Variants in MGAT4C observed in about 807,000 individuals in gnomAD.
MGAT4C encodes the protein alpha-1,3-mannosyl-glycoprotein 4-beta-N-acetylglucosaminyltransferase C.
In MGAT4C, 19 loss-of-function variants were observed where a neutral mutation model predicts 40.1. That is an observed-to-expected ratio of 0.47 (90% CI 0.33 to 0.70). The LOEUF (loss-of-function observed/expected upper bound fraction) is 0.70. Ranked by LOEUF, MGAT4C falls within the 30% of genes least tolerant of loss-of-function variation. The pLI, the probability that MGAT4C is intolerant of heterozygous loss-of-function variation, is 0.02. For synonymous variants in MGAT4C, 181 were observed against 187.1 expected (o/e 0.97, Z 0.27); for missense variants, 491 against 563.2 (o/e 0.87, Z 1.30).
intron 2 of MGAT4C, among the ~76,000 whole-genome samples, chr12:86,646,640 T>C (rs568753867): frequency 6.6e-6 from 1 of 152,048 alleles, no homozygotes; most frequent in South Asian, 2.1e-4. Flanking sequence ...AAATATTTTC[T>C]TGTGTTCACT....
chr12:86,742,514 C>T (rs1951083214), intron 1 of MGAT4C, among the ~76,000 whole-genome samples: 1 of 151,404 alleles, frequency 6.6e-6, no homozygotes, highest in Non-Finnish European at 1.5e-5. Context: ...GTATGACATG[C>T]CTCAGTTTGC....
rs1565793223 is a variant in MGAT4C at position 85,972,933 on chromosome 12, G to A, written c.*6356C>T. 6.6e-6 allele frequency: 1 copy of A among 150,888 alleles called. No homozygotes were observed. The highest frequency in any genetic ancestry group is 1.9e-4 in the East Asian group (1 of 5,176). 9.3% of individuals were successfully genotyped at this position (150,888 alleles called of 1,614,324 possible). On this transcript the variant is annotated 3_prime_UTR_variant, in exon 5 of 5. Coordinates refer to ENST00000611864, the MANE Select transcript of MGAT4C (RefSeq NM_001351288.2). ...TATGTCAAATAGTTAAACAAATGTG[G>A]GGTATTTTATGGAGAAAAGAGGCAT... is the stretch of plus-strand genomic sequence containing the variant.
chr12:86,339,933 T>A (rs1954874403), intron 3 of MGAT4C, among the ~76,000 whole-genome samples: 1 of 152,210 alleles, frequency 6.6e-6, no homozygotes, highest in Admixed American at 6.5e-5. Flanking sequence ...ACTTTGGTTT[T>A]ATTTTTTAAA....
intron 2 of MGAT4C, among the ~76,000 whole-genome samples, chr12:86,575,794 C>T (rs1453102390): frequency 6.6e-6 from 1 of 151,782 alleles, no homozygotes; most frequent in East Asian, 1.9e-4. Context: ...ACTATTCTCC[C>T]TAGTGATTGT....
At chr12:86,782,136 C>G (rs573403773) in intron 1 of MGAT4C, among the ~76,000 whole-genome samples, 34 of 137,844 alleles carry the variant, frequency 2.5e-4, no homozygotes, top group Non-Finnish European at 5.0e-4. Flanking sequence ...GGGACTACAG[C>G]CATCCGCCAC....
At chr12:86,642,139 A>C (rs1368527659) in intron 2 of MGAT4C, among the ~76,000 whole-genome samples, 2 of 151,848 alleles carry the variant, frequency 1.3e-5, no homozygotes, top group East Asian at 3.9e-4. Context: ...ATATGGAGAT[A>C]AGAAGGAATT....
intron 2 of MGAT4C, among the ~76,000 whole-genome samples, chr12:86,685,863 AT>A (rs1210645588): frequency 0.014 from 1,909 of 136,500 alleles, 11 homozygotes; most frequent in Non-Finnish European, 0.021. Context: ...AATGCTTGTG[AT>A]TTTTTTTTTT....
intron 1 of MGAT4C, among the ~76,000 whole-genome samples, chr12:86,093,133 A>G (rs1873188134): frequency 6.6e-6 from 1 of 152,080 alleles, no homozygotes; most frequent in Admixed American, 6.6e-5. Flanking sequence ...ATATAATGTC[A>G]GAAAGAAATG....
At chr12:86,619,595 A>C (rs924686739) in intron 2 of MGAT4C, among the ~76,000 whole-genome samples, 5 of 152,150 alleles carry the variant, frequency 3.3e-5, no homozygotes, top group African/African-American at 1.2e-4. Context: ...TCTATACAAC[A>C]GTAACATAAG....
chr12:86,219,501 G>A (rs1291956972), intron 1 of MGAT4C, among the ~76,000 whole-genome samples: 1 of 152,104 alleles, frequency 6.6e-6, no homozygotes, highest in Non-Finnish European at 1.5e-5. Context: ...ATTTCATTCA[G>A]TTGCCACCTT....
intron 2 of MGAT4C, among the ~76,000 whole-genome samples, chr12:86,516,420 A>C (rs1958688610): frequency 6.6e-6 from 1 of 152,154 alleles, no homozygotes; most frequent in African/African-American, 2.4e-5. Flanking sequence ...TTGACCTCTA[A>C]CTCACAACAT....
chr12:86,799,297 T>C (rs906466382), intron 1 of MGAT4C, among the ~76,000 whole-genome samples: 10 of 151,804 alleles, frequency 6.6e-5, no homozygotes, highest in African/African-American at 2.2e-4. Flanking sequence ...AGTTAAGGCA[T>C]AATTTCTCTG....
intron 2 of MGAT4C, among the ~76,000 whole-genome samples, chr12:86,547,874 G>A (rs1003488345): frequency 2.0e-5 from 3 of 152,076 alleles, no homozygotes; most frequent in Non-Finnish European, 4.4e-5. Flanking sequence ...TCACTTTACA[G>A]GGTAGGCATG....
intron 3 of MGAT4C, among the ~76,000 whole-genome samples, chr12:86,400,473 C>T (rs1400906852): frequency 6.6e-6 from 1 of 152,106 alleles, no homozygotes; most frequent in African/African-American, 2.4e-5. Flanking sequence ...TTTTCTTCTC[C>T]TATTCTTCCT....
intron 1 of MGAT4C, among the ~76,000 whole-genome samples, chr12:86,218,563 G>C (rs78150020): frequency 1.3e-5 from 2 of 152,114 alleles, no homozygotes; most frequent in Admixed American, 6.5e-5. Flanking sequence ...TTTGTATGGA[G>C]TGTTATTATT....
intron 1 of MGAT4C, among the ~76,000 whole-genome samples, chr12:86,203,266 T>C (rs1190116881): frequency 6.6e-6 from 1 of 152,154 alleles, no homozygotes; most frequent in Non-Finnish European, 1.5e-5. Flanking sequence ...GGTGGTGTCC[T>C]TATCCCTATA....
intron 4 of MGAT4C, among the ~76,000 whole-genome samples, chr12:86,287,957 C>T (rs1025792663): frequency 1.6e-4 from 25 of 152,268 alleles, no homozygotes; most frequent in African/African-American, 6.0e-4. Flanking sequence ...CTAATTTACA[C>T]TCCCACCAAC....
intron 4 of MGAT4C, among the ~76,000 whole-genome samples, chr12:86,316,072 C>A (rs1372949387): frequency 1.0e-4 from 1 of 9,594 alleles, no homozygotes; most frequent in Admixed American, 1.3e-3. Context: ...AGAATAAATA[C>A]AAGCAGCAAA....
At chr12:86,032,451 C>G (rs1242056550) in intron 2 of MGAT4C, among the ~76,000 whole-genome samples, 1 of 149,518 alleles carries the variant, frequency 6.7e-6, no homozygotes, top group Non-Finnish European at 1.5e-5. Context: ...TTAATAATAG[C>G]CATTACGACT....
Sources: gnomAD v4.1 joint callset for allele counts (sites outside exome capture counted in the v4.1 genomes callset) on GRCh38, gnomAD v4.1.1 for gene constraint, MANE v1.5 for transcripts, NCBI Gene and HGNC (gene_info 2026-07-23, HGNC 2026-07-21) for gene names.